Variants in GALNTL6 observed in about 807,000 individuals in gnomAD.
GALNTL6 encodes the protein polypeptide N-acetylgalactosaminyltransferase-like 6.
A neutral mutation model predicts 73.7 loss-of-function variants in GALNTL6; 46 were observed. That is an observed-to-expected ratio of 0.62 (90% CI 0.49 to 0.80). The LOEUF is 0.80. GALNTL6 is among the 30% of genes least tolerant of loss of function. GALNTL6 has a pLI of 0.00. For missense variants in GALNTL6, 604 were observed against 755.0 expected, an observed-to-expected ratio of 0.80 and a Z score of 2.34; for synonymous variants, 259 against 263.7, an observed-to-expected ratio of 0.98 and a Z score of 0.17.
intron 2 of GALNTL6, among the ~76,000 whole-genome samples, chr4:171,981,705 G>T (rs1309514558): frequency 1.3e-5 from 2 of 152,002 alleles, no homozygotes; most frequent in African/African-American, 4.8e-5. Context: ...TGAGTGAGAA[G>T]GCCTTATAAA....
At chr4:172,873,496 ACACAGACCC>A (rs1291907941) in intron 7 of GALNTL6, among the ~76,000 whole-genome samples, 2 of 152,224 alleles carry the variant, frequency 1.3e-5, no homozygotes, top group East Asian at 3.8e-4. Flanking sequence ...AAAAGGAGGG[ACACAGACCC>A]CACTTCTCAA....
At chr4:172,765,242 G>A (rs1738339938) in intron 5 of GALNTL6, among the ~76,000 whole-genome samples, 1 of 152,196 alleles carries the variant, frequency 6.6e-6, no homozygotes, top group African/African-American at 2.4e-5. Context: ...ATCAACTGCA[G>A]TGACATAGAA....
chr4:172,753,909 G>A (rs963560817), intron 5 of GALNTL6, among the ~76,000 whole-genome samples: 1 of 152,146 alleles, frequency 6.6e-6, no homozygotes, highest in African/African-American at 2.4e-5. Flanking sequence ...CCCACGAGCA[G>A]CTCTGCAGTG....
At chr4:172,613,715 T>C (rs1050143118) in intron 5 of GALNTL6, among the ~76,000 whole-genome samples, 1 of 152,194 alleles carries the variant, frequency 6.6e-6, no homozygotes, top group Non-Finnish European at 1.5e-5. Flanking sequence ...ATTTTTTGAA[T>C]ACTTAAACAT....
intron 5 of GALNTL6, among the ~76,000 whole-genome samples, chr4:172,674,103 A>C (rs752001966): frequency 2.0e-5 from 3 of 152,164 alleles, no homozygotes; most frequent in Non-Finnish European, 4.4e-5. Flanking sequence ...GGCTGCTAAC[A>C]GTCTTTTCTT....
chr4:172,341,773 C>A (rs59122496), intron 4 of GALNTL6, among the ~76,000 whole-genome samples: 1 of 152,108 alleles, frequency 6.6e-6, no homozygotes, highest in Non-Finnish European at 1.5e-5. Flanking sequence ...CCCAACCATA[C>A]GGAACAGTAA....
chr4:171,923,233 T>G (rs571551619), intron 2 of GALNTL6, among the ~76,000 whole-genome samples: 1 of 152,240 alleles, frequency 6.6e-6, no homozygotes, highest in African/African-American at 2.4e-5. Flanking sequence ...ATAATTCTTT[T>G]TCTTGACTAC....
intron 3 of GALNTL6, among the ~76,000 whole-genome samples, chr4:172,303,688 G>T (rs1161750675): frequency 6.6e-6 from 1 of 152,160 alleles, no homozygotes; most frequent in Non-Finnish European, 1.5e-5. Context: ...GACAACAGCA[G>T]ATAAAATCTA....
rs113720448 is a variant in GALNTL6 at position 172,500,511 on chromosome 4, A to G, written c.553+151822A>G. Among the ~76,000 whole-genome samples, 1,162 of 152,268 alleles carry G rather than the reference A, an allele frequency of 7.6e-3. 17 individuals carry two copies. Among genetic ancestry groups the G allele is most frequent in the African/African-American group, 0.026 (1,087 of 41,554 alleles). ...GACACATCCTGTAAAGGAGAACACC[A>G]ATATAAGTCTCTCACCTGAAACTAT... On this transcript the variant is annotated intron_variant, in intron 5 of 12. Coordinates refer to ENST00000506823, the MANE Select transcript of GALNTL6 (RefSeq NM_001034845.3).
chr4:173,033,229 T>C (rs1490622348), intron 12 of GALNTL6, among the ~76,000 whole-genome samples: 1 of 151,958 alleles, frequency 6.6e-6, no homozygotes, highest in Non-Finnish European at 1.5e-5. Context: ...CTCAAACTCC[T>C]GGACCTCAGG....
At chr4:172,378,301 C>T (rs116429010) in intron 5 of GALNTL6, among the ~76,000 whole-genome samples, 2,286 of 152,076 alleles carry the variant, frequency 0.015, 33 homozygotes, top group Middle Eastern at 0.031. Flanking sequence ...GCAGGGAAGC[C>T]GATTCAAGGA....
At chr4:172,165,932 G>GA (rs1174051461) in intron 2 of GALNTL6, among the ~76,000 whole-genome samples, 4 of 150,840 alleles carry the variant, frequency 2.7e-5, no homozygotes, top group Admixed American at 6.6e-5. Context: ...CAGAGAAGGA[G>GA]AAAAAAAATA....
chr4:172,404,591 T>A (rs1266126048), intron 5 of GALNTL6, among the ~76,000 whole-genome samples: 1 of 152,210 alleles, frequency 6.6e-6, no homozygotes. Flanking sequence ...AAATCTTGGC[T>A]TTCTTCTTTA....
At chr4:172,571,425 G>A (rs1431236398) in intron 5 of GALNTL6, among the ~76,000 whole-genome samples, 1 of 152,144 alleles carries the variant, frequency 6.6e-6, no homozygotes, top group Non-Finnish European at 1.5e-5. Flanking sequence ...CTATCTCTTT[G>A]AATAATCCAG....
chr4:172,795,282 C>T (rs1366892325), intron 5 of GALNTL6, among the ~76,000 whole-genome samples: 4 of 152,136 alleles, frequency 2.6e-5, no homozygotes, highest in Non-Finnish European at 5.9e-5. Flanking sequence ...AGATCCTGTA[C>T]ACAAATAGAG....
intron 5 of GALNTL6, among the ~76,000 whole-genome samples, chr4:172,640,113 T>C (rs1739902865): frequency 6.6e-6 from 1 of 152,140 alleles, no homozygotes; most frequent in African/African-American, 2.4e-5. Flanking sequence ...CATTCAGATA[T>C]TTGCCTCTAT....
At chr4:172,358,845 C>T (rs1471513804) in intron 5 of GALNTL6, among the ~76,000 whole-genome samples, 1 of 72,070 alleles carries the variant, frequency 1.4e-5, no homozygotes, top group African/African-American at 5.6e-5. Flanking sequence ...ATAATGATGG[C>T]TATTAAAAAG....
At chr4:172,852,806 CA>C (rs1422664063) in intron 7 of GALNTL6, among the ~76,000 whole-genome samples, 1 of 151,702 alleles carries the variant, frequency 6.6e-6, no homozygotes, top group Non-Finnish European at 1.5e-5. Flanking sequence ...GAAACCGGAT[CA>C]AAAAAAGAAT....
intron 5 of GALNTL6, among the ~76,000 whole-genome samples, chr4:172,435,735 G>T (rs1255571376): frequency 6.6e-6 from 1 of 152,048 alleles, no homozygotes; most frequent in African/African-American, 2.4e-5. Flanking sequence ...ATAACGAGTG[G>T]TTTTCCTTTA....
Sources: allele counts gnomAD v4.1 joint callset (sites outside exome capture counted in the v4.1 genomes callset), GRCh38; gene constraint gnomAD v4.1.1; transcripts MANE v1.5; gene names NCBI Gene and HGNC (gene_info 2026-07-23, HGNC 2026-07-21).